The following KAZN variants were observed in gnomAD, a reference collection of about 807,000 sequenced individuals.
KAZN encodes kazrin, periplakin interacting protein.
In KAZN, 40 loss-of-function variants were observed where a neutral mutation model predicts 87.4. That is an observed-to-expected ratio of 0.46 (90% CI 0.36 to 0.60). KAZN has a LOEUF of 0.60. KAZN is among the 20% of genes least tolerant of loss of function. KAZN has a pLI of 0.00. For synonymous variants in KAZN, 466 were observed against 458.3 expected (o/e 1.02, Z -0.22); for missense variants, 898 against 1,073.9 (o/e 0.84, Z 2.29).
intron 1 of KAZN, among the ~76,000 whole-genome samples, chr1:14,910,695 A>G (rs1657155711): frequency 6.6e-6 from 1 of 152,190 alleles, no homozygotes. Context: ...CCTACATACA[A>G]GAGATCCCAG....
chr1:15,040,986 T>G (rs886984086), intron 3 of KAZN, among the ~76,000 whole-genome samples: 3 of 152,052 alleles, frequency 2.0e-5, no homozygotes, highest in Non-Finnish European at 2.9e-5. Flanking sequence ...AGTTTCACTC[T>G]GTTGCCCAGG....
intron 2 of KAZN, among the ~76,000 whole-genome samples, chr1:14,393,035 AG>A (rs988544264): frequency 6.6e-6 from 1 of 152,206 alleles, no homozygotes; most frequent in African/African-American, 2.4e-5. Flanking sequence ...AGCATTCTGC[AG>A]CCCCTCCTTC....
chr1:14,524,917 A>G (rs1043716390), intron 2 of KAZN, among the ~76,000 whole-genome samples: 2 of 152,228 alleles, frequency 1.3e-5, no homozygotes, highest in African/African-American at 2.4e-5. Flanking sequence ...ATATTCATAT[A>G]TTTCTTTGGA....
intron 1 of KAZN, among the ~76,000 whole-genome samples, chr1:14,902,737 G>A (rs536672360): frequency 6.6e-6 from 1 of 152,318 alleles, no homozygotes; most frequent in South Asian, 2.1e-4. Flanking sequence ...AATAAAAGGT[G>A]TGGACAGGTG....
At chr1:14,383,122 G>C (rs1300658276) in intron 2 of KAZN, among the ~76,000 whole-genome samples, 2 of 152,048 alleles carry the variant, frequency 1.3e-5, no homozygotes, top group Non-Finnish European at 2.9e-5. Context: ...GTCTTCTTTT[G>C]AGAAGTGTCT....
At chr1:14,261,463 A>G (rs10928057) in intron 2 of KAZN, among the ~76,000 whole-genome samples, 73,193 of 152,064 alleles carry the variant, frequency 0.48, 19,584 homozygotes, top group African/African-American at 0.7. Flanking sequence ...CCCGGGGGCC[A>G]GATCAGATTT....
At chr1:14,961,835 A>G (rs1663904681) in intron 2 of KAZN, among the ~76,000 whole-genome samples, 1 of 152,230 alleles carries the variant, frequency 6.6e-6, no homozygotes, top group East Asian at 1.9e-4. Context: ...TGTAACAAAG[A>G]GACCCCAAAA....
chr1:14,240,777 G>C (rs1648867856), intron 2 of KAZN, among the ~76,000 whole-genome samples: 1 of 152,202 alleles, frequency 6.6e-6, no homozygotes, highest in Non-Finnish European at 1.5e-5. Flanking sequence ...TATGTCACAG[G>C]CTGTGAAATC....
At chr1:14,531,382 C>T (rs1236840048) in intron 2 of KAZN, among the ~76,000 whole-genome samples, 1 of 152,216 alleles carries the variant, frequency 6.6e-6, no homozygotes, top group Non-Finnish European at 1.5e-5. Context: ...TGTGTTCTCA[C>T]TTCTATGCAG....
chr1:14,382,841 G>A (rs1447883740), intron 2 of KAZN, among the ~76,000 whole-genome samples: 415 of 151,872 alleles, frequency 2.7e-3, no homozygotes, highest in African/African-American at 9.1e-3. Flanking sequence ...CCCAGTAATG[G>A]GATGGCTGGG....
chr1:14,268,831 G>A (rs931543493), intron 2 of KAZN, among the ~76,000 whole-genome samples: 2 of 152,194 alleles, frequency 1.3e-5, no homozygotes, highest in African/African-American at 4.8e-5. Flanking sequence ...TGCCTGCAAT[G>A]TTTAAATTAT....
chr1:14,518,581 C>T (rs189319359), intron 2 of KAZN, among the ~76,000 whole-genome samples: 42 of 152,300 alleles, frequency 2.8e-4, no homozygotes, highest in Non-Finnish European at 1.9e-4. Flanking sequence ...CTGCTCTCGT[C>T]GCTTCATCTA....
At chr1:14,245,394 A>G (rs1379025303) in intron 2 of KAZN, among the ~76,000 whole-genome samples, 1 of 152,142 alleles carries the variant, frequency 6.6e-6, no homozygotes, top group African/African-American at 2.4e-5. Flanking sequence ...TGTCAGCTGC[A>G]TCTTTCCATA....
intron 1 of KAZN, among the ~76,000 whole-genome samples, chr1:14,886,661 C>T (rs1227726431): frequency 6.6e-6 from 1 of 152,004 alleles, no homozygotes; most frequent in African/African-American, 2.4e-5. Flanking sequence ...AGTGGTGGCG[C>T]ATGCATGTAA....
intron 2 of KAZN, among the ~76,000 whole-genome samples, chr1:14,554,465 T>C (rs1421960569): frequency 6.6e-6 from 1 of 152,128 alleles, no homozygotes; most frequent in East Asian, 1.9e-4. Flanking sequence ...TGGCAAAATT[T>C]CACTTCTCAT....
intron 2 of KAZN, among the ~76,000 whole-genome samples, chr1:14,332,814 G>C (rs990942046): frequency 6.6e-6 from 1 of 152,152 alleles, no homozygotes; most frequent in African/African-American, 2.4e-5. Context: ...TCACGTGGCT[G>C]CAAAGAACAG....
chr1:14,532,248 G>A (rs2148482048), intron 2 of KAZN, among the ~76,000 whole-genome samples: 1 of 152,016 alleles, frequency 6.6e-6, no homozygotes. Flanking sequence ...CCCCTCCAAA[G>A]CCCAGAGTCC....
At position 15,066,814 on chromosome 1, in the gene KAZN, TTCTC is replaced by T; in HGVS notation, c.1222+1067_1222+1070del. 1 of 985,482 alleles carries T rather than the reference TTCTC, an allele frequency of 1.0e-6. No individual in the cohort carries two copies. The highest frequency in any genetic ancestry group is 1.2e-6 in the Non-Finnish European group (1 of 829,996). 61.0% of individuals were successfully genotyped at this position (985,482 alleles called of 1,614,324 possible). On this transcript the variant is annotated intron_variant, in intron 8 of 14. Transcript: ENST00000376030. The surrounding 1 kb of genome is among the most constrained non-coding windows in gnomAD (Gnocchi z 4.3). ...TTTTTCTGTTGGTTCTTCTCTCTCC[TTCTC>T]TCTCTGTCTCTCCCATTCTCCTGCC... is the stretch of plus-strand genomic sequence containing the variant.
At chr1:14,435,684 CTT>C (rs1437852220) in intron 2 of KAZN, among the ~76,000 whole-genome samples, 1 of 152,234 alleles carries the variant, frequency 6.6e-6, no homozygotes, top group Non-Finnish European at 1.5e-5. Flanking sequence ...CTGCTTGAAA[CTT>C]TGACCTTCGG....
Sources: gnomAD v4.1 joint callset for allele counts (sites outside exome capture counted in the v4.1 genomes callset) on GRCh38, gnomAD v4.1.1 for gene constraint, Gnocchi (gnomAD v3.1) non-coding constraint, MANE v1.5 for transcripts, NCBI Gene and HGNC (gene_info 2026-07-23, HGNC 2026-07-21) for gene names.